H2AZ2: variants seen among roughly 807,000 people sequenced by gnomAD.
The protein encoded by H2AZ2 is H2A.Z variant histone 2, also known as histone H2A.V.
H2AZ2 carries 5 observed loss-of-function variants against 15.5 expected under a neutral mutation model. The observed-to-expected ratio is 0.32, with a 90% confidence interval of 0.17 to 0.68. The LOEUF (loss-of-function observed/expected upper bound fraction) is 0.68, where lower values mean the gene tolerates loss of function less well. Among genes scored for constraint, H2AZ2 ranks in the 30% least tolerant of loss-of-function variants. The probability of loss-of-function intolerance (pLI) is 0.72; values close to 1 mark genes in which losing one functional copy is unlikely to be tolerated. For synonymous variants in H2AZ2, 44 were observed against 57.4 expected (o/e 0.77, Z 1.05); for missense variants, 42 against 162.5 (o/e 0.26, Z 4.03).
downstream of H2AZ2, chr7:44,829,867 C>A (rs1792977387): frequency 1.2e-5 from 4 of 323,414 alleles, no homozygotes. Flanking sequence ...TGCAGCAACA[C>A]AGTTTATCCA....
intron 1 of H2AZ2, 57 bp from the exon 2 acceptor site, chr7:44,843,411 A>T (rs1793325447): frequency 8.5e-7 from 1 of 1,178,718 alleles, no homozygotes; most frequent in Non-Finnish European, 1.2e-6. Context: ...TACTTCAAAA[A>T]TATTCTGGAA....
chr7:44,831,729 A>G (rs977361602), downstream of H2AZ2, among the ~76,000 whole-genome samples: 2 of 152,188 alleles, frequency 1.3e-5, no homozygotes, highest in Non-Finnish European at 2.9e-5. Context: ...GAATGACAAG[A>G]TATCACTGGT....
chr7:44,837,295 C>T (rs937126417), intron 3 of H2AZ2, among the ~76,000 whole-genome samples: 12 of 151,122 alleles, frequency 7.9e-5, no homozygotes, highest in East Asian at 6.0e-4. Context: ...TGGTGGCACA[C>T]GCCTGTAATC....
chr7:44,847,003 T>G (rs1243230498), intron 1 of H2AZ2, among the ~76,000 whole-genome samples: 1 of 152,180 alleles, frequency 6.6e-6, no homozygotes, highest in Non-Finnish European at 1.5e-5. Flanking sequence ...TTCAATACCA[T>G]ATCTGTCACA....
At chr7:44,843,215 C>T (rs1411132093) in intron 2 of H2AZ2, 62 bp downstream of exon 2, 3 of 522,176 alleles carry the variant, frequency 5.7e-6, no homozygotes, top group Admixed American at 8.5e-5. Flanking sequence ...ATTGATGAAA[C>T]ATAGGTCATA....
At chr7:44,839,403 G>A (rs1314454049) in intron 3 of H2AZ2, among the ~76,000 whole-genome samples, 2 of 152,026 alleles carry the variant, frequency 1.3e-5, no homozygotes, top group Non-Finnish European at 2.9e-5. Context: ...TAGGCTGGGC[G>A]CGGTGGCTCA....
At position 44,843,240 on chromosome 7, in the gene H2AZ2, AG is replaced by A. The variant is rs1391990891; in HGVS notation, c.81+36del. 2.1e-6 allele frequency: 3 copies of A among 1,405,066 alleles called. No homozygotes were observed. The East Asian group carries it at 7.0e-5, about 33-fold the overall frequency. The allele number at this position is 1,405,066 out of a possible 1,614,324, so 87.0% of individuals were successfully genotyped here. On this transcript the variant is annotated intron_variant, in intron 2 of 4. Coordinates refer to ENST00000308153, the MANE Select transcript of H2AZ2 (RefSeq NM_012412.5). ...CATAGGTCATAAATTACAACAGTAAAGAAAATAATAATGTAATGACAGCATG... is the reference window on the plus strand; with the variant it reads ...CATAGGTCATAAATTACAACAGTAAAAAAATAATAATGTAATGACAGCATG...
At chr7:44,841,045 C>A in intron 2 of H2AZ2, 33 bp from the exon 3 acceptor site, 1 of 1,487,884 alleles carries the variant, frequency 6.7e-7, no homozygotes, top group Admixed American at 1.7e-5. Context: ...GGAAGCACTG[C>A]AGAGTCTTAA....
rs1793061458 is a variant in H2AZ2, at chr7:44,834,168, T to C, written c.*333A>G. The stretch of plus-strand genomic sequence containing the variant: ...TGAATAACCAATCTGAGATTTAAAA[T>C]ATTTAAAGTCTGAGTAAAATATTTC... On this transcript the variant is annotated 3_prime_UTR_variant, in exon 5 of 5. Coordinates refer to ENST00000308153, the MANE Select transcript of H2AZ2 (RefSeq NM_012412.5). 2.0e-6 allele frequency: 2 copies of C among 1,017,252 alleles called. No homozygotes were observed. The allele number at this position is 1,017,252 out of a possible 1,614,324, so 63.0% of individuals were successfully genotyped here. A position where few individuals can be genotyped will look rare whatever the true frequency, so the allele number is the denominator to read the frequency against.
intron 4 of H2AZ2, among the ~76,000 whole-genome samples, 157 bp from the exon 5 acceptor site, chr7:44,834,719 A>G (rs923987638): frequency 1.3e-5 from 2 of 151,484 alleles, no homozygotes; most frequent in Admixed American, 6.6e-5. Flanking sequence ...GGGTCTGTGA[A>G]CCCTTTAAAA....
At chr7:44,836,284 T>A (rs1314376554) in intron 3 of H2AZ2, among the ~76,000 whole-genome samples, 1 of 152,186 alleles carries the variant, frequency 6.6e-6, no homozygotes, top group Non-Finnish European at 1.5e-5. Context: ...TTTTAATATA[T>A]ACTTGTAGAC....
chr7:44,846,024 T>TACACACACACACACACACAC (rs10573522), intron 1 of H2AZ2, among the ~76,000 whole-genome samples: 33 of 132,740 alleles, frequency 2.5e-4, no homozygotes, highest in Non-Finnish European at 4.4e-4. Context: ...TTTAAAAAAT[T>TACACACACACACACACACAC]ACACACACAC....
In H2AZ2 at chr7:44,832,066, A is replaced by G. The variant is rs1374914426; in HGVS notation, c.*2435T>C. On this transcript the variant is annotated 3_prime_UTR_variant, in exon 5 of 5. Transcript: ENST00000308153. ...GGATACATTCAGTAAAATCCACTGAAGGACAATTCTATAGGACAAACAACT... is the reference window on the plus strand; with the variant it reads ...GGATACATTCAGTAAAATCCACTGAGGGACAATTCTATAGGACAAACAACT... Among the ~76,000 whole-genome samples the G allele has an allele frequency of 6.6e-6, 1 of 152,222 alleles. No individual in the cohort carries two copies. Among genetic ancestry groups the G allele is most frequent in the East Asian group, 1.9e-4 (1 of 5,204 alleles).
intron 1 of H2AZ2, among the ~76,000 whole-genome samples, chr7:44,843,875 T>A (rs1562789286): frequency 6.6e-6 from 1 of 152,282 alleles, no homozygotes; most frequent in East Asian, 1.9e-4. Flanking sequence ...ATGAGATTTT[T>A]AAAAACAAAC....
downstream of H2AZ2, chr7:44,828,893 C>T (rs552819251): frequency 8.5e-5 from 13 of 152,312 alleles, no homozygotes; most frequent in Non-Finnish European, 1.9e-4. Flanking sequence ...TCTTGATTTC[C>T]ACATGGCCCC....
chr7:44,835,355 GA>G (rs1282992875), intron 4 of H2AZ2, 173 bp downstream of exon 4: 1 of 487,404 alleles, frequency 2.1e-6, no homozygotes, highest in African/African-American at 2.0e-5. Context: ...GCTAGAAGGT[GA>G]AATATTTATT....
chr7:44,837,329 A>G (rs1793149326), intron 3 of H2AZ2, among the ~76,000 whole-genome samples: 1 of 145,662 alleles, frequency 6.9e-6, no homozygotes, highest in African/African-American at 2.5e-5. Flanking sequence ...AGGCTGAGGC[A>G]GGAGAATCGG....
intron 1 of H2AZ2, among the ~76,000 whole-genome samples, chr7:44,846,062 C>CACACACACACAG (rs57468916): frequency 4.1e-4 from 31 of 75,150 alleles, no homozygotes; most frequent in African/African-American, 1.2e-3. Flanking sequence ...CACACACACA[C>CACACACACACAG]AGAGAGAGAC....
At chr7:44,829,222 T>C (rs1413665837), downstream of H2AZ2, 1 of 152,218 alleles carries the variant, frequency 6.6e-6, no homozygotes, top group Non-Finnish European at 1.5e-5. Context: ...CAGTACTCTG[T>C]CCTCTGCCAA....
Sources: allele counts gnomAD v4.1 joint callset (sites outside exome capture counted in the v4.1 genomes callset), GRCh38; gene constraint gnomAD v4.1.1; transcripts MANE v1.5; gene names NCBI Gene and HGNC (gene_info 2026-07-23, HGNC 2026-07-21).